Variants in DNAH14 observed in about 807,000 individuals in gnomAD.
DNAH14 encodes the protein dynein axonemal heavy chain 14.
DNAH14 carries 478 observed loss-of-function variants against 520.9 expected under a neutral mutation model. The ratio of observed to expected loss-of-function variants is 0.92; its 90% confidence interval spans 0.85 to 0.99. The LOEUF (loss-of-function observed/expected upper bound fraction) is 0.99, where lower values mean the gene tolerates loss of function less well. Among genes scored for constraint, DNAH14 ranks in the 50% least tolerant of loss-of-function variants. DNAH14 has a pLI of 0.00. For missense variants in DNAH14, 4,831 were observed against 5,234.5 expected, an observed-to-expected ratio of 0.92 and a Z score of 2.38; for synonymous variants, 1,581 against 1,757.2, an observed-to-expected ratio of 0.90 and a Z score of 2.51.
At chr1:224,937,159 T>C (rs2059097241) in intron 1 of DNAH14, among the ~76,000 whole-genome samples, 1 of 144,414 alleles carries the variant, frequency 6.9e-6, no homozygotes, top group Non-Finnish European at 1.5e-5. Context: ...AAGACAAATA[T>C]ACCCACTTTG....
Position 225,152,816 on chromosome 1 carries a change from C to A in DNAH14, c.5129C>A (p.Ser1710Tyr), listed in dbSNP as rs1420169318. Residue 1710 changes from serine to tyrosine, a missense_variant, in exon 33 of 86, where the codon TCT becomes TAT. Physicochemically the swap from Ser to Tyr is moderately radical, Grantham distance 144 (BLOSUM62 -2). Coordinates refer to ENST00000682510, the MANE Select transcript of DNAH14 (RefSeq NM_001367479.1). ...ATATTGTTTTCATTTGGTTTCAAAT[C>A]TGCAAATTCACTCTCTGGAAAGCTA... is the stretch of plus-strand genomic sequence containing the variant. ...EIILFSFGFK[S>Y]ANSLSGKLTN... 1 of 1,551,374 alleles carries A rather than the reference C, an allele frequency of 6.4e-7. No homozygotes were observed. Among genetic ancestry groups the A allele is most frequent in the South Asian group, 1.2e-5 (1 of 84,036 alleles).
rs922036807 is a variant in DNAH14, at chr1:225,100,807, A to G, written c.3790A>G (p.Ile1264Val). 2 of 1,539,508 alleles carry G rather than the reference A, an allele frequency of 1.3e-6. No individual in the cohort carries two copies. The highest frequency in any genetic ancestry group is 4.2e-5 in the Admixed American group (2 of 47,664). ...ACAAAACAAACAGAATGCTTTGCAG[A>G]TAACCACTTCTGCAGGAGTCCTTGA... ...KIQNKQNALQ[I>V]TTSAGVLEIL... is the part of the protein sequence containing the mutation. The change falls in exon 23 of 86, where the codon ATA (isoleucine) becomes GTA (valine). Residue 1264 changes from isoleucine (I) to valine (V), a missense_variant. Physicochemically the swap from Ile to Val is conservative, Grantham distance 29. Transcript: ENST00000682510.
At chr1:225,006,213 G>C (rs190184152) in intron 9 of DNAH14, among the ~76,000 whole-genome samples, 3 of 151,892 alleles carry the variant, frequency 2.0e-5, no homozygotes, top group Non-Finnish European at 4.4e-5. Flanking sequence ...TGTCATCTTC[G>C]TAAGCTGAGG....
At chr1:224,934,119 C>T (rs1348351133) in intron 1 of DNAH14, among the ~76,000 whole-genome samples, 1 of 151,888 alleles carries the variant, frequency 6.6e-6, no homozygotes, top group Non-Finnish European at 1.5e-5. Context: ...ACATAAAAAA[C>T]ATGAAAAAGC....
intron 8 of DNAH14, among the ~76,000 whole-genome samples, chr1:224,994,511 A>G (rs1447460520): frequency 6.6e-6 from 1 of 151,432 alleles, no homozygotes; most frequent in African/African-American, 2.4e-5. Context: ...TTTTCTTTCC[A>G]TTTGTGTGGA....
rs541545425 is a variant in DNAH14 at position 224,941,474 on chromosome 1, G to T, written c.-33-11196G>T. The stretch of plus-strand genomic sequence containing the variant: ...TTTTCTCTCATTCTGTAGGTTGCCT[G>T]TTGACTCTGATGGTAGTTTCTTTTG... On this transcript the variant is annotated intron_variant, in intron 1 of 85. Transcript: ENST00000682510. Among the ~76,000 whole-genome samples the T allele has an allele frequency of 3.3e-5, 5 of 152,316 alleles. No individual in the cohort carries two copies. The South Asian group carries it at 1.0e-3, about 32-fold the overall frequency.
intron 10 of DNAH14, among the ~76,000 whole-genome samples, chr1:225,016,879 A>T (rs1433772211): frequency 6.6e-6 from 1 of 151,332 alleles, no homozygotes; most frequent in African/African-American, 2.4e-5. Context: ...TTTCAGTTCT[A>T]GGATTTCTAT....
chr1:225,016,635 T>G (rs997463282), intron 10 of DNAH14, among the ~76,000 whole-genome samples: 37 of 152,306 alleles, frequency 2.4e-4, no homozygotes, highest in African/African-American at 8.2e-4. Flanking sequence ...AAACATATTT[T>G]TCTTGTTTTT....
At chr1:225,393,646 T>G (rs2150874414) in intron 84 of DNAH14, among the ~76,000 whole-genome samples, 1 of 152,126 alleles carries the variant, frequency 6.6e-6, no homozygotes, top group Admixed American at 6.5e-5. Context: ...CATGGCCATA[T>G]GTTTAGTTTT....
chr1:224,977,444 A>G (rs541692230), intron 8 of DNAH14, among the ~76,000 whole-genome samples: 82 of 152,296 alleles, frequency 5.4e-4, no homozygotes, highest in Non-Finnish European at 9.1e-4. Flanking sequence ...ATATGTAACT[A>G]ACGTGCACAT....
chr1:225,159,572 T>G, intron 35 of DNAH14, 87 bp downstream of exon 35: 1 of 1,274,350 alleles, frequency 7.8e-7, no homozygotes, highest in Non-Finnish European at 1.1e-6. Context: ...ATATTACAGT[T>G]CTTCCTAAAT....
At chr1:225,053,610 G>A (rs1422625783) in intron 17 of DNAH14, among the ~76,000 whole-genome samples, 1 of 152,094 alleles carries the variant, frequency 6.6e-6, no homozygotes, top group Non-Finnish European at 1.5e-5. Flanking sequence ...GTAACAATGA[G>A]AACTCTGAGC....
chr1:225,284,603 A>T (rs974534875), intron 54 of DNAH14, among the ~76,000 whole-genome samples: 3 of 152,188 alleles, frequency 2.0e-5, no homozygotes, highest in Non-Finnish European at 2.9e-5. Context: ...CGTCCCAGAA[A>T]ATAGAAGAGG....
intron 27 of DNAH14, among the ~76,000 whole-genome samples, chr1:225,137,754 A>G (rs1348450279): frequency 1.3e-5 from 2 of 152,232 alleles, no homozygotes; most frequent in Non-Finnish European, 2.9e-5. Context: ...AAAGAGGATC[A>G]GGAACCCACC....
At chr1:225,348,696 A>G (rs1012450957) in intron 71 of DNAH14, among the ~76,000 whole-genome samples, 1 of 152,238 alleles carries the variant, frequency 6.6e-6, no homozygotes, top group Non-Finnish European at 1.5e-5. Flanking sequence ...TATTACCACT[A>G]GAACTGCTCT....
chr1:225,276,016 G>A lies in DNAH14; in HGVS notation c.8113G>A (p.Asp2705Asn), dbSNP rs750697230. Residue 2705 changes from aspartate to asparagine, a missense_variant, in exon 53 of 86, where the codon GAC (aspartate) becomes AAC (asparagine). Physicochemically the swap from Asp to Asn is conservative, Grantham distance 23. Transcript: ENST00000682510. ...AAAAAAGATTTATCAGAATACCAGT[G>A]ACTATAATAAACTTGCCAGTGTACT... ...HRKKIYQNTSDYNKLASVLDE... is the reference protein window; with the variant it reads ...HRKKIYQNTSNYNKLASVLDE... 6 of 409,884 alleles carry A rather than the reference G, an allele frequency of 1.5e-5. No homozygotes were observed. The highest frequency in any genetic ancestry group is 1.2e-4 in the South Asian group (6 of 51,476). 25.4% of individuals were successfully genotyped at this position (409,884 alleles called of 1,614,324 possible). A position where few individuals can be genotyped will look rare whatever the true frequency, so the allele number is the denominator to read the frequency against.
chr1:225,135,294 G>C (rs992456329), intron 27 of DNAH14, among the ~76,000 whole-genome samples: 1 of 152,100 alleles, frequency 6.6e-6, no homozygotes, highest in Non-Finnish European at 1.5e-5. Flanking sequence ...GGCATTTAGT[G>C]CTGTAAATTT....
At chr1:225,054,727 A>G (rs904976887) in intron 17 of DNAH14, among the ~76,000 whole-genome samples, 1 of 152,154 alleles carries the variant, frequency 6.6e-6, no homozygotes, top group African/African-American at 2.4e-5. Flanking sequence ...TTATCAAAAC[A>G]TTATAGGAAT....
chr1:225,337,136 C>A, intron 66 of DNAH14, 130 bp from the exon 67 acceptor site: 1 of 829,348 alleles, frequency 1.2e-6, no homozygotes, highest in African/African-American at 1.7e-5. Context: ...CTGTTCATTT[C>A]CTTAGCATTT....
Sources: allele counts gnomAD v4.1 joint callset (sites outside exome capture counted in the v4.1 genomes callset), GRCh38; gene constraint gnomAD v4.1.1; transcripts MANE v1.5; gene names NCBI Gene and HGNC (gene_info 2026-07-23, HGNC 2026-07-21).